CERT1: variants seen among roughly 807,000 people sequenced by gnomAD.
CERT1 encodes the protein ceramide transporter 1.
A neutral mutation model predicts 87.9 loss-of-function variants in CERT1; 31 were observed. That is an observed-to-expected ratio of 0.35 (90% CI 0.27 to 0.48). The LOEUF (loss-of-function observed/expected upper bound fraction) is 0.48. CERT1 is among the 20% of genes least tolerant of loss of function. The probability of loss-of-function intolerance (pLI) is 0.99; values close to 1 mark genes in which losing one functional copy is unlikely to be tolerated. For missense variants in CERT1, 487 were observed against 758.0 expected (o/e 0.64, Z 4.20); for synonymous variants, 289 against 250.9 (o/e 1.15, Z -1.44).
chr5:75,439,330 C>T (rs1240346165), intron 3 of CERT1, among the ~76,000 whole-genome samples: 1 of 151,698 alleles, frequency 6.6e-6, no homozygotes, highest in East Asian at 1.9e-4. Flanking sequence ...GTCTATCTAC[C>T]CTCCAAAGAA....
chr5:75,386,045 C>T lies in CERT1; in HGVS notation c.1285-11G>A. 6.7e-7 allele frequency: 1 copy of T among 1,484,872 alleles called. No homozygotes were observed. The highest frequency in any genetic ancestry group is 1.4e-5 in the African/African-American group (1 of 69,878). 92.0% of individuals were successfully genotyped at this position (1,484,872 alleles called of 1,614,324 possible). On this transcript the variant is annotated splice_polypyrimidine_tract_variant and intron_variant, in intron 12 of 16. Transcript: ENST00000643780. ...TTCTCTTCTGTATACCTAAAGAGAA[C>T]ATAATTCCAAAACTGTTTGAAAATT...
chr5:75,411,172 G>T, intron 7 of CERT1, 69 bp from the exon 8 acceptor site: 2 of 807,816 alleles, frequency 2.5e-6, no homozygotes, highest in Admixed American at 2.6e-5. Flanking sequence ...TCTTTTAGGT[G>T]GAATTCCTCT....
intron 3 of CERT1, among the ~76,000 whole-genome samples, chr5:75,435,091 C>A (rs2112223044): frequency 6.6e-6 from 1 of 152,128 alleles, no homozygotes; most frequent in South Asian, 2.1e-4. Context: ...ATTCTAAGTT[C>A]TTGATGTAGG....
rs1199153189 is a variant in CERT1 at position 75,384,769 on chromosome 5, T to C, written c.1418-57A>G. On this transcript the variant is annotated intron_variant, in intron 13 of 16. Transcript: ENST00000643780. ...TATCTTTTCCTAGAATGTGATCAAT[T>C]CACTTATGTTGAAAGTCAAGTACGA... 1.2e-5 allele frequency: 14 copies of C among 1,144,826 alleles called. No homozygotes were observed. In the Admixed American group the frequency reaches 2.3e-4, roughly 19 times the overall value. The allele number at this position is 1,144,826 out of a possible 1,614,324, so 70.9% of individuals were successfully genotyped here. A position where few individuals can be genotyped will look rare whatever the true frequency, so the allele number is the denominator to read the frequency against.
intron 9 of CERT1, 187 bp from the exon 10 acceptor site, chr5:75,400,484 A>C (rs963558729): frequency 1.9e-6 from 1 of 525,342 alleles, no homozygotes; most frequent in Non-Finnish European, 3.4e-6. Flanking sequence ...ATCCCAATTT[A>C]ACCTCTTCTT....
intron 2 of CERT1, among the ~76,000 whole-genome samples, chr5:75,477,665 A>C (rs570211498): frequency 6.7e-6 from 1 of 150,362 alleles, no homozygotes; most frequent in African/African-American, 2.4e-5. Flanking sequence ...AAAAAAAAAA[A>C]AAAACAACCA....
intron 11 of CERT1, among the ~76,000 whole-genome samples, chr5:75,390,107 C>G (rs902227982): frequency 3.9e-5 from 6 of 152,048 alleles, no homozygotes; most frequent in African/African-American, 1.4e-4. Context: ...GTGGAGATAT[C>G]AGGAAGGTCT....
intron 17 of CERT1, chr5:75,369,441 T>TAG (rs1323788963): frequency 1.3e-5 from 2 of 152,284 alleles, no homozygotes; most frequent in East Asian, 3.9e-4. Context: ...TCAAGCATGT[T>TAG]AGCTCTTTCT....
chr5:75,408,079 T>C (rs895443667), intron 8 of CERT1, among the ~76,000 whole-genome samples: 9 of 152,126 alleles, frequency 5.9e-5, no homozygotes, highest in Non-Finnish European at 1.2e-4. Context: ...AAGGAATTCT[T>C]AATAGGAGCC....
At chr5:75,447,545 A>G (rs1047449085) in intron 3 of CERT1, among the ~76,000 whole-genome samples, 1 of 151,550 alleles carries the variant, frequency 6.6e-6, no homozygotes, top group Admixed American at 6.6e-5. Flanking sequence ...ATCTTGGCTC[A>G]CTGCAAGCTC....
In CERT1 at chr5:75,386,179, T is replaced by C. The variant is rs570089698; in HGVS notation, c.1285-145A>G. Reference sequence around the variant, plus strand: ...TATTCTGCTAAAAGAAAATTAAAAATTTCAAATTAACAGACAAAAAAGTAC... The same window carrying C: ...TATTCTGCTAAAAGAAAATTAAAAACTTCAAATTAACAGACAAAAAAGTAC... On this transcript the variant is annotated intron_variant, in intron 12 of 16. Transcript: ENST00000643780. The C allele has an allele frequency of 5.0e-6, 3 of 604,888 alleles. No homozygotes were observed. The South Asian group carries it at 2.5e-4, about 51-fold the overall frequency. The allele number at this position is 604,888 out of a possible 1,614,324, so 37.5% of individuals were successfully genotyped here. A position where few individuals can be genotyped will look rare whatever the true frequency, so the allele number is the denominator to read the frequency against.
intron 2 of CERT1, among the ~76,000 whole-genome samples, chr5:75,486,746 AATAAG>A (rs766984551): frequency 2.2e-4 from 33 of 152,234 alleles, no homozygotes; most frequent in Admixed American, 6.5e-4. Flanking sequence ...CTAGAAATAA[AATAAG>A]ATACCTAGGA....
intron 11 of CERT1, among the ~76,000 whole-genome samples, chr5:75,393,621 AAAG>A (rs1247415392): frequency 6.9e-6 from 1 of 144,492 alleles, no homozygotes; most frequent in African/African-American, 2.6e-5. Context: ...AAAAAAAAAA[AAAG>A]AAAGTCTAGA....
chr5:75,493,590 T>C (rs901956908), intron 2 of CERT1, among the ~76,000 whole-genome samples: 1 of 152,270 alleles, frequency 6.6e-6, no homozygotes, highest in African/African-American at 2.4e-5. Context: ...TCTGGAAGCA[T>C]CCAAGATCTT....
At chr5:75,374,621 T>G (rs1761218264), downstream of CERT1, 5 of 670,456 alleles carry the variant, frequency 7.5e-6, no homozygotes, top group Non-Finnish European at 8.3e-6. Flanking sequence ...TCAGGGACAT[T>G]TCCGAAGCGA....
In CERT1 at chr5:75,411,972, T is replaced by G. The variant is rs188126379; in HGVS notation, c.838-869A>C. On this transcript the variant is annotated intron_variant, in intron 7 of 16. Transcript: ENST00000643780. The stretch of plus-strand genomic sequence containing the variant: ...ACTTTAGTTATGTATTTTAACACTC[T>G]CCTTTTAATGATAGGGCCTATAGCT... 1.5e-3 allele frequency among the ~76,000 whole-genome samples: 215 copies of G among 140,934 alleles called. 1 individual carries two copies. Among genetic ancestry groups the G allele is most frequent in the African/African-American group, 5.1e-3 (179 of 34,906 alleles). The allele number at this position is 140,934 out of a possible 152,430, so 92.5% of individuals were successfully genotyped here.
intron 3 of CERT1, among the ~76,000 whole-genome samples, chr5:75,436,186 C>G (rs113788977): frequency 0.093 from 14,131 of 152,070 alleles, 1,626 homozygotes; most frequent in African/African-American, 0.27. Flanking sequence ...ACGTCCGCTA[C>G]CATGCCTGGC....
At chr5:75,415,119 C>A (rs984979219) in intron 7 of CERT1, among the ~76,000 whole-genome samples, 1 of 151,950 alleles carries the variant, frequency 6.6e-6, no homozygotes, top group East Asian at 1.9e-4. Context: ...TACACACATA[C>A]CCTGCATATA....
chr5:75,385,134 G>C (rs1384156286), intron 13 of CERT1, among the ~76,000 whole-genome samples: 1 of 152,142 alleles, frequency 6.6e-6, no homozygotes, highest in African/African-American at 2.4e-5. Flanking sequence ...ATGTTGAGAA[G>C]TATCTATACT....
Sources: allele counts gnomAD v4.1 joint callset (sites outside exome capture counted in the v4.1 genomes callset), GRCh38; gene constraint gnomAD v4.1.1; transcripts MANE v1.5; gene names NCBI Gene and HGNC (gene_info 2026-07-23, HGNC 2026-07-21).